CCDC83: variants seen among roughly 807,000 people sequenced by gnomAD.
CCDC83 encodes the protein coiled-coil domain-containing protein 83.
CCDC83 carries 54 observed loss-of-function variants against 50.1 expected under a neutral mutation model. The ratio of observed to expected loss-of-function variants is 1.08; its 90% confidence interval spans 0.87 to 1.35. The LOEUF is 1.35. Ranked by LOEUF, CCDC83 falls within the 40% of genes most tolerant of loss-of-function variation. The probability of loss-of-function intolerance (pLI) is 0.00; values close to 1 mark genes in which losing one functional copy is unlikely to be tolerated. For missense variants in CCDC83, 518 were observed against 473.9 expected (o/e 1.09, Z -0.86); for synonymous variants, 161 against 153.3 (o/e 1.05, Z -0.37).
In CCDC83 at chr11:85,916,030, G is replaced by C. The variant is rs2135152107; in HGVS notation, c.877G>C (p.Glu293Gln). The change falls in exon 10 of 11, where the codon GAG (glutamate) becomes CAG (glutamine). Residue 293 changes from glutamate (E) to glutamine (Q), a missense_variant and splice_region_variant. By Grantham distance (29) the Glu-to-Gln change is conservative (BLOSUM62 2). Transcript: ENST00000342404. The stretch of plus-strand genomic sequence containing the variant: ...TAATTCCTTTGTATTTATCCAAGAA[G>C]AGAAGTCAGAATTGCAACCCACAGA... Reference protein sequence around the residue: ...SLELPETHIEEKSELQPTEVE... With the variant: ...SLELPETHIEQKSELQPTEVE... The C allele has an allele frequency of 4.4e-6, 7 of 1,597,412 alleles. No homozygotes were observed. In the Middle Eastern group the frequency reaches 6.6e-4, roughly 151 times the overall value.
At chr11:85,880,219 G>A (rs1313994769) in intron 3 of CCDC83, among the ~76,000 whole-genome samples, 1 of 152,034 alleles carries the variant, frequency 6.6e-6, no homozygotes, top group East Asian at 1.9e-4. Flanking sequence ...TCTTTACTAT[G>A]CTGTCTTCCA....
chr11:85,899,228 T>C (rs2093389532), intron 7 of CCDC83, among the ~76,000 whole-genome samples: 1 of 152,250 alleles, frequency 6.6e-6, no homozygotes, highest in Admixed American at 6.5e-5. Context: ...TTGGGGTTTA[T>C]AATTCACACA....
chr11:85,908,905 C>A (rs1029897863), intron 7 of CCDC83, among the ~76,000 whole-genome samples: 2 of 151,994 alleles, frequency 1.3e-5, no homozygotes, highest in African/African-American at 4.8e-5. Context: ...ACAGAGCAAG[C>A]CCTGTCTCAT....
intron 5 of CCDC83, among the ~76,000 whole-genome samples, chr11:85,888,748 C>T (rs149846498): frequency 5.3e-5 from 8 of 152,148 alleles, no homozygotes. Flanking sequence ...AGTGATCCAA[C>T]TTTATTTTTT....
At chr11:85,882,927 G>GT (rs1029303069) in intron 4 of CCDC83, among the ~76,000 whole-genome samples, 7 of 151,890 alleles carry the variant, frequency 4.6e-5, no homozygotes, top group East Asian at 1.9e-4. Flanking sequence ...TTATCTGACT[G>GT]TTTTTTTTGG....
intron 2 of CCDC83, among the ~76,000 whole-genome samples, chr11:85,867,223 T>C (rs1458144634): frequency 6.6e-6 from 1 of 152,050 alleles, no homozygotes. Flanking sequence ...GCCCAGCTAA[T>C]TTTTTAATTT....
chr11:85,899,478 C>T (rs2093390879), intron 7 of CCDC83, among the ~76,000 whole-genome samples: 1 of 152,124 alleles, frequency 6.6e-6, no homozygotes, highest in Admixed American at 6.6e-5. Context: ...CATGCTGGTC[C>T]TCTGGTCTTA....
intron 5 of CCDC83, among the ~76,000 whole-genome samples, chr11:85,889,410 T>C (rs2093341405): frequency 6.6e-6 from 1 of 152,260 alleles, no homozygotes; most frequent in African/African-American, 2.4e-5. Context: ...CATGTGGTTG[T>C]ATTCAACTTT....
Position 85,919,451 on chromosome 11 carries a change from A to C in CCDC83, c.1183A>C (p.Lys395Gln). 1 of 1,613,094 alleles carries C rather than the reference A, an allele frequency of 6.2e-7. No individual in the cohort carries two copies. The highest frequency in any genetic ancestry group is 8.5e-7 in the Non-Finnish European group (1 of 1,179,160). Reference sequence around the variant, plus strand: ...GAAGGAAATTCCAGTCAAACTCTATAAAGATGTCAGGAGCCCAGAAAGCCA... The same window carrying C: ...GAAGGAAATTCCAGTCAAACTCTATCAAGATGTCAGGAGCCCAGAAAGCCA... ...QEKEIPVKLY[K>Q]DVRSPESHIT... The change falls in exon 11 of 11, where the codon AAA (lysine) becomes CAA (glutamine). Residue 395 changes from lysine (K) to glutamine (Q), a missense_variant. Physicochemically the swap from Lys to Gln is moderately conservative, Grantham distance 53. Transcript: ENST00000342404.
At chr11:85,905,127 T>C (rs1425760981) in intron 7 of CCDC83, among the ~76,000 whole-genome samples, 1 of 151,464 alleles carries the variant, frequency 6.6e-6, no homozygotes, top group Non-Finnish European at 1.5e-5. Flanking sequence ...TAAAACCTCA[T>C]CTCTACTAAA....
Position 85,882,659 on chromosome 11 carries a change from G to A in CCDC83, c.327G>A (p.Gln109=), listed in dbSNP as rs757970499. The A allele has an allele frequency of 3.7e-6, 6 of 1,612,690 alleles. 1 individual carries two copies. The highest frequency in any genetic ancestry group is 3.3e-4 in the Middle Eastern group (2 of 6,056). The change falls in exon 4 of 11, where the codon CAG becomes CAA. Residue 109 remains glutamine (Q), a synonymous_variant. Coordinates refer to ENST00000342404, the MANE Select transcript of CCDC83 (RefSeq NM_001286159.2). ...AAAAATGGAAGTTTGAAAGAGACCA[G>A]GAAAAAAACTTGAGAGGTGATTTAG... ...MKEKWKFERD[Q]EKNLRDMRMQ...
intron 7 of CCDC83, among the ~76,000 whole-genome samples, chr11:85,909,171 TAG>T (rs770494582): frequency 6.6e-5 from 10 of 152,336 alleles, no homozygotes; most frequent in Admixed American, 2.6e-4. Flanking sequence ...GATCATGTGA[TAG>T]AGATATGCAT....
intron 8 of CCDC83, among the ~76,000 whole-genome samples, chr11:85,914,720 C>T (rs1237389084): frequency 6.6e-6 from 1 of 152,100 alleles, no homozygotes; most frequent in African/African-American, 2.4e-5. Flanking sequence ...CTAGCTCTTC[C>T]CTGGCAACCA....
At chr11:85,856,400 T>C (rs992894134) in intron 1 of CCDC83, among the ~76,000 whole-genome samples, 2 of 152,200 alleles carry the variant, frequency 1.3e-5, no homozygotes, top group Admixed American at 6.5e-5. Flanking sequence ...CTTATCCTCA[T>C]AATAATATTT....
intron 4 of CCDC83, 52 bp downstream of exon 4, chr11:85,882,727 G>T: frequency 6.7e-7 from 1 of 1,500,812 alleles, no homozygotes. Flanking sequence ...GTTATTTCTT[G>T]AATATATTAA....
intron 5 of CCDC83, among the ~76,000 whole-genome samples, chr11:85,892,605 AAT>A (rs1367991401): frequency 2.0e-5 from 3 of 152,216 alleles, no homozygotes; most frequent in Non-Finnish European, 4.4e-5. Flanking sequence ...GCAAAGAATT[AAT>A]ACTTCATGTT....
chr11:85,868,533 C>A (rs145012196), intron 2 of CCDC83, among the ~76,000 whole-genome samples: 1 of 152,316 alleles, frequency 6.6e-6, no homozygotes, highest in Non-Finnish European at 1.5e-5. Context: ...TGCCACCACA[C>A]CCAGCTAATT....
In CCDC83 at chr11:85,895,294, ACAC is replaced by A; in HGVS notation, c.514_516del (p.His172del). On this transcript the variant is annotated inframe_deletion and splice_region_variant, in exon 6 of 11. Transcript: ENST00000342404. ...TTTTTTTTTTTTTTTTTTTTAAAGA[ACAC>A]TATAAAATCACTCTGGAAGATACTA... 1.0e-6 allele frequency: 1 copy of A among 957,290 alleles called. No individual in the cohort carries two copies. The highest frequency in any genetic ancestry group is 1.5e-6 in the Non-Finnish European group (1 of 678,842). The allele number at this position is 957,290 out of a possible 1,614,324, so 59.3% of individuals were successfully genotyped here. A position where few individuals can be genotyped will look rare whatever the true frequency, so the allele number is the denominator to read the frequency against.
At chr11:85,912,584 G>T (rs2093459620) in intron 8 of CCDC83, 3 of 912,746 alleles carry the variant, frequency 3.3e-6, no homozygotes, top group Non-Finnish European at 5.5e-6. Context: ...GGCCCCTAGG[G>T]GTAGGTGCTC....
Sources: gnomAD v4.1 joint callset for allele counts (sites outside exome capture counted in the v4.1 genomes callset) on GRCh38, gnomAD v4.1.1 for gene constraint, MANE v1.5 for transcripts, NCBI Gene and HGNC (gene_info 2026-07-23, HGNC 2026-07-21) for gene names.